Variants in TTLL11 observed in about 807,000 individuals in gnomAD.
TTLL11 encodes tubulin tyrosine ligase like 11.
TTLL11 carries 42 observed loss-of-function variants against 51.7 expected under a neutral mutation model. That is an observed-to-expected ratio of 0.81 (90% CI 0.64 to 1.05). The LOEUF is 1.05. Ranked by LOEUF, TTLL11 falls within the 50% of genes least tolerant of loss-of-function variation. TTLL11 has a pLI of 0.00. For synonymous variants in TTLL11, 381 were observed against 383.5 expected, an observed-to-expected ratio of 0.99 and a Z score of 0.08; for missense variants, 799 against 940.4, an observed-to-expected ratio of 0.85 and a Z score of 1.97.
chr9:121,931,601 A>AAAAAG (rs1198491147), intron 6 of TTLL11, among the ~76,000 whole-genome samples: 3 of 146,274 alleles, frequency 2.1e-5, no homozygotes, highest in Admixed American at 6.9e-5. Flanking sequence ...AAAAAAAAAA[A>AAAAAG]AAAAGAAAAG....
intron 6 of TTLL11, among the ~76,000 whole-genome samples, chr9:121,881,929 C>T (rs7038094): frequency 0.73 from 110,799 of 152,018 alleles, 40,930 homozygotes; most frequent in East Asian, 0.9. Flanking sequence ...GGAATCCTGC[C>T]CCTGTTCCCA....
chr9:121,862,716 G>A (rs1282295171), intron 7 of TTLL11, among the ~76,000 whole-genome samples: 1 of 152,246 alleles, frequency 6.6e-6, no homozygotes, highest in Non-Finnish European at 1.5e-5. Context: ...AGGGAATCCT[G>A]AAAGCTAGGC....
chr9:121,988,319 G>A (rs1035184263), intron 4 of TTLL11, among the ~76,000 whole-genome samples: 1 of 151,954 alleles, frequency 6.6e-6, no homozygotes, highest in African/African-American at 2.4e-5. Flanking sequence ...ATACAAATTG[G>A]AATGCATCTT....
chr9:121,880,853 G>T (rs1474093910), intron 6 of TTLL11, among the ~76,000 whole-genome samples: 4 of 152,260 alleles, frequency 2.6e-5, no homozygotes, highest in Admixed American at 2.0e-4. Flanking sequence ...GCGTGGGAAG[G>T]TTAAGTCAAT....
intron 6 of TTLL11, among the ~76,000 whole-genome samples, chr9:121,931,584 TAAAAAA>T (rs757552624): frequency 9.2e-5 from 12 of 130,744 alleles, no homozygotes; most frequent in Admixed American, 3.9e-4. Flanking sequence ...TTCTACTATT[TAAAAAA>T]AAAAAAAAAA....
intron 6 of TTLL11, among the ~76,000 whole-genome samples, chr9:121,908,740 T>C (rs935027873): frequency 1.3e-5 from 2 of 152,228 alleles, no homozygotes; most frequent in African/African-American, 4.8e-5. Flanking sequence ...CCTCTCTTCC[T>C]GGCTTGTAGA....
chr9:122,033,870 C>G (rs1048321493), intron 2 of TTLL11, among the ~76,000 whole-genome samples: 24 of 152,206 alleles, frequency 1.6e-4, no homozygotes, highest in Non-Finnish European at 2.9e-5. Flanking sequence ...AGAAAACTCA[C>G]TGAGGACACT....
intron 2 of TTLL11, among the ~76,000 whole-genome samples, chr9:122,033,426 T>G (rs949230910): frequency 6.6e-6 from 1 of 152,230 alleles, no homozygotes; most frequent in Admixed American, 6.5e-5. Context: ...TGCTTGTTTC[T>G]TAAGACAAAT....
At position 122,016,995 on chromosome 9, in the gene TTLL11, T is replaced by C. The variant is rs185653133; in HGVS notation, c.693+14728A>G. Among the ~76,000 whole-genome samples, 446 of 152,328 alleles carry C rather than the reference T, an allele frequency of 2.9e-3. 1 individual carries two copies. The highest frequency in any genetic ancestry group is 0.01 in the African/African-American group (417 of 41,568). The stretch of plus-strand genomic sequence containing the variant: ...CCACTCGCTTCCGCCTGGTGCCACC[T>C]GCTGATCACATTTGAGTACCGGTTT... On this transcript the variant is annotated intron_variant, in intron 3 of 8. Transcript: ENST00000321582.
At chr9:121,974,795 T>A in intron 5 of TTLL11, 89 bp downstream of exon 5, 1 of 1,046,702 alleles carries the variant, frequency 9.6e-7, no homozygotes, top group Non-Finnish European at 1.4e-6. Context: ...TCTGAGAATG[T>A]CCAATCTTGT....
chr9:121,877,263 C>G (rs767971216), intron 6 of TTLL11, among the ~76,000 whole-genome samples: 6 of 152,172 alleles, frequency 3.9e-5, no homozygotes, highest in Non-Finnish European at 8.8e-5. Flanking sequence ...ATTAGCCCTG[C>G]AGCTAATTTA....
chr9:121,905,113 TC>T (rs569942833), intron 6 of TTLL11, among the ~76,000 whole-genome samples: 15 of 152,222 alleles, frequency 9.9e-5, no homozygotes, highest in South Asian at 6.2e-4. Context: ...GCGGGGGTTC[TC>T]TGTAATATCA....
rs1836480491 is a variant in TTLL11 at position 121,818,612 on chromosome 9, G to A, written c.*3975C>T. The A allele has an allele frequency of 6.6e-6, 1 of 152,294 alleles. No individual in the cohort carries two copies. Among genetic ancestry groups the A allele is most frequent in the Non-Finnish European group, 1.5e-5 (1 of 68,092 alleles). The allele number at this position is 152,294 out of a possible 1,614,324, so 9.4% of individuals were successfully genotyped here. A position where few individuals can be genotyped will look rare whatever the true frequency, so the allele number is the denominator to read the frequency against. ...TCCAGTTCTTGGAAGTAGATGGAAG[G>A]AACCGCTCACTCTGTTTGGGGGATT... is the stretch of plus-strand genomic sequence containing the variant. On this transcript the variant is annotated 3_prime_UTR_variant, in exon 9 of 9. Coordinates refer to ENST00000321582, the MANE Select transcript of TTLL11 (RefSeq NM_001139442.2).
At chr9:121,918,825 GA>G (rs1192214754) in intron 6 of TTLL11, among the ~76,000 whole-genome samples, 1 of 152,210 alleles carries the variant, frequency 6.6e-6, no homozygotes, top group Non-Finnish European at 1.5e-5. Context: ...CAACACAGAT[GA>G]ATGTCACTAA....
At chr9:122,017,393 C>T (rs1021411372) in intron 3 of TTLL11, among the ~76,000 whole-genome samples, 7 of 151,144 alleles carry the variant, frequency 4.6e-5, no homozygotes, top group Non-Finnish European at 8.8e-5. Context: ...GATACCTGTG[C>T]GAGGATATTC....
chr9:121,875,041 T>C (rs1838519021), intron 6 of TTLL11, among the ~76,000 whole-genome samples: 2 of 152,226 alleles, frequency 1.3e-5, no homozygotes, highest in African/African-American at 4.8e-5. Context: ...CGATGTCATT[T>C]ATTATTTTAT....
intron 6 of TTLL11, among the ~76,000 whole-genome samples, chr9:121,916,042 G>A (rs1370573033): frequency 6.6e-6 from 1 of 150,496 alleles, no homozygotes; most frequent in African/African-American, 2.5e-5. Context: ...CACTGAGGGG[G>A]TTCCTGGCAA....
chr9:121,851,510 G>T (rs376799295), intron 8 of TTLL11, among the ~76,000 whole-genome samples: 1 of 152,164 alleles, frequency 6.6e-6, no homozygotes, highest in Non-Finnish European at 1.5e-5. Context: ...TTTAAAAAAG[G>T]CTTTTACAGC....
chr9:121,906,798 A>G (rs1021638934), intron 6 of TTLL11, among the ~76,000 whole-genome samples: 1 of 152,152 alleles, frequency 6.6e-6, no homozygotes, highest in Non-Finnish European at 1.5e-5. Context: ...TATTTCATAG[A>G]TATTTGTGGT....
Sources: gnomAD v4.1 joint callset for allele counts (sites outside exome capture counted in the v4.1 genomes callset) on GRCh38, gnomAD v4.1.1 for gene constraint, MANE v1.5 for transcripts, NCBI Gene and HGNC (gene_info 2026-07-23, HGNC 2026-07-21) for gene names.